WNT5B: variants seen among roughly 807,000 people sequenced by gnomAD.
WNT5B encodes protein Wnt-5b.
A neutral mutation model predicts 36.5 loss-of-function variants in WNT5B; 18 were observed. That is an observed-to-expected ratio of 0.49 (90% CI 0.34 to 0.73). The LOEUF is 0.73. WNT5B is among the 30% of genes least tolerant of loss of function. WNT5B has a pLI of 0.01. For missense variants in WNT5B, 424 were observed against 508.4 expected (o/e 0.83, Z 1.60); for synonymous variants, 213 against 212.3 (o/e 1.00, Z -0.03).
rs375169507 is a variant in WNT5B at position 1,646,290 on chromosome 12, T to C, written c.*38T>C. 1.6e-4 allele frequency: 250 copies of C among 1,522,856 alleles called. 1 individual carries two copies. The African/African-American group carries it at 3.1e-3, about 19-fold the overall frequency. The allele number at this position is 1,522,856 out of a possible 1,614,324, so 94.3% of individuals were successfully genotyped here. A position where few individuals can be genotyped will look rare whatever the true frequency, so the allele number is the denominator to read the frequency against. ...GCTCCCGGCCCCCCTGCACTCTGCC[T>C]CACAAAGGTCTATATTATATAAATC... is the stretch of plus-strand genomic sequence containing the variant. On this transcript the variant is annotated 3_prime_UTR_variant, in exon 5 of 5. Transcript: ENST00000397196.
At chr12:1,627,238 T>C (rs1197574674), upstream of WNT5B, among the ~76,000 whole-genome samples, 6 of 152,028 alleles carry the variant, frequency 3.9e-5, no homozygotes, top group African/African-American at 7.3e-5. The surrounding 1 kb of genome is among the most constrained non-coding windows in gnomAD (Gnocchi z 5.0). Context: ...CTTGAAGAGG[T>C]CCCCACCTAG....
intron 1 of WNT5B, among the ~76,000 whole-genome samples, chr12:1,621,951 G>A (rs996938771): frequency 2.6e-5 from 4 of 152,164 alleles, no homozygotes; most frequent in South Asian, 2.1e-4. Context: ...CCTCTTCTTC[G>A]AAAAGCACCT....
intron 3 of WNT5B, among the ~76,000 whole-genome samples, chr12:1,636,860 C>T (rs1390306409): frequency 6.6e-6 from 1 of 151,844 alleles, no homozygotes; most frequent in African/African-American, 2.4e-5. Context: ...GGATTACAGG[C>T]GCCCGCCTGG....
intron 1 of WNT5B, among the ~76,000 whole-genome samples, chr12:1,617,864 C>T (rs1046131068): frequency 6.6e-6 from 1 of 151,948 alleles, no homozygotes; most frequent in Non-Finnish European, 1.5e-5. Context: ...TTGGGCTGGG[C>T]GCAGTGGCTC....
At chr12:1,625,496 T>G (rs2094539789), upstream of WNT5B, among the ~76,000 whole-genome samples, 1 of 152,168 alleles carries the variant, frequency 6.6e-6, no homozygotes, top group Non-Finnish European at 1.5e-5. Flanking sequence ...CTCCTCCACC[T>G]GCCCCTCCCC....
Position 1,633,199 on chromosome 12 carries a change from G to A in WNT5B, c.328+294G>A, listed in dbSNP as rs2094554298. The stretch of plus-strand genomic sequence containing the variant: ...GGTTGCTTGGGACTCACTGAGAGGG[G>A]GCAGGACATCTGAGTTGACTTAGAG... On this transcript the variant is annotated intron_variant, in intron 3 of 4. Coordinates refer to ENST00000397196, the MANE Select transcript of WNT5B (RefSeq NM_032642.3). This position sits in a 1 kb window ranked among gnomAD's most constrained non-coding sequence, Gnocchi z 4.8. Among the ~76,000 whole-genome samples, 1 of 152,122 alleles carries A rather than the reference G, an allele frequency of 6.6e-6. No individual in the cohort carries two copies. The highest frequency in any genetic ancestry group is 1.5e-5 in the Non-Finnish European group (1 of 68,020).
At chr12:1,619,933 A>G (rs2094531623) in intron 1 of WNT5B, among the ~76,000 whole-genome samples, 1 of 152,248 alleles carries the variant, frequency 6.6e-6, no homozygotes, top group African/African-American at 2.4e-5. Flanking sequence ...AAGTCAAAAA[A>G]TAAAAATAAA....
chr12:1,641,761 A>T (rs2154439822), intron 4 of WNT5B, among the ~76,000 whole-genome samples: 1 of 152,284 alleles, frequency 6.6e-6, no homozygotes, highest in South Asian at 2.1e-4. Context: ...CTGCCATTGC[A>T]CTCCAGCCTG....
At chr12:1,617,839 G>A (rs1739190104) in intron 1 of WNT5B, among the ~76,000 whole-genome samples, 1 of 152,050 alleles carries the variant, frequency 6.6e-6, no homozygotes, top group African/African-American at 2.4e-5. Flanking sequence ...TAAACATTGT[G>A]TTAGTCAAAG....
upstream of WNT5B, among the ~76,000 whole-genome samples, chr12:1,627,960 C>T (rs2094543481): frequency 6.6e-6 from 1 of 152,132 alleles, no homozygotes; most frequent in Admixed American, 6.5e-5. This position sits in a 1 kb window ranked among gnomAD's most constrained non-coding sequence, Gnocchi z 5.0. Flanking sequence ...GTAACTGGCA[C>T]ATATTAGGCA....
At chr12:1,622,211 C>A (rs992247051) in intron 1 of WNT5B, among the ~76,000 whole-genome samples, 6 of 151,174 alleles carry the variant, frequency 4.0e-5, no homozygotes, top group African/African-American at 1.5e-4. Context: ...CCCGGGTTCA[C>A]GCCATTCTCC....
upstream of WNT5B, among the ~76,000 whole-genome samples, chr12:1,624,492 C>T (rs2094538497): frequency 1.3e-5 from 2 of 151,838 alleles, no homozygotes; most frequent in Admixed American, 6.6e-5. Context: ...CCAGGGTCAA[C>T]CATTCAATTG....
Position 1,632,346 on chromosome 12 carries a change from A to ATTCTGGCCAT in WNT5B, c.81-308_81-299dup, listed in dbSNP as rs2154439580. Among the ~76,000 whole-genome samples the ATTCTGGCCAT allele has an allele frequency of 6.6e-6, 1 of 152,182 alleles. No homozygotes were observed. The highest frequency in any genetic ancestry group is 2.1e-4 in the South Asian group (1 of 4,824). ...CCCCCATTCTTAAGATCCAGTTCAA[A>ATTCTGGCCAT]TTCTGGCCATTTCCTTATAAAGGCT... On this transcript the variant is annotated intron_variant, in intron 2 of 4. Coordinates refer to ENST00000397196, the MANE Select transcript of WNT5B (RefSeq NM_032642.3). The surrounding 1 kb of genome is among the most constrained non-coding windows in gnomAD (Gnocchi z 5.8).
chr12:1,643,554 C>T (rs1406763076), intron 4 of WNT5B, among the ~76,000 whole-genome samples: 1 of 151,840 alleles, frequency 6.6e-6, no homozygotes, highest in African/African-American at 2.4e-5. Flanking sequence ...TTAGTAGAGA[C>T]GGGGTTTCTC....
intron 1 of WNT5B, among the ~76,000 whole-genome samples, chr12:1,619,021 A>C (rs2094530343): frequency 6.6e-6 from 1 of 152,102 alleles, no homozygotes. Context: ...TATCACTGGG[A>C]ATGGCACACA....
rs1275371432 is a variant in WNT5B, at chr12:1,644,306, G to C, written c.622-1488G>C. ...GTGCTGGTGCCTTTAACCTTGGGGAGAGCCTTCCTTCCTCCTCTGCTCTAA... is the reference window on the plus strand; with the variant it reads ...GTGCTGGTGCCTTTAACCTTGGGGACAGCCTTCCTTCCTCCTCTGCTCTAA... On this transcript the variant is annotated intron_variant, in intron 4 of 4. Coordinates refer to ENST00000397196, the MANE Select transcript of WNT5B (RefSeq NM_032642.3). This position sits in a 1 kb window ranked among gnomAD's most constrained non-coding sequence, Gnocchi z 5.1. Among the ~76,000 whole-genome samples the C allele has an allele frequency of 6.6e-6, 1 of 152,126 alleles. No homozygotes were observed. Among genetic ancestry groups the C allele is most frequent in the Admixed American group, 6.5e-5 (1 of 15,276 alleles).
At chr12:1,638,220 T>C (rs1426883465) in intron 3 of WNT5B, among the ~76,000 whole-genome samples, 1 of 152,190 alleles carries the variant, frequency 6.6e-6, no homozygotes, top group African/African-American at 2.4e-5. Context: ...CACTCCAGCC[T>C]GGGTGACAGA....
upstream of WNT5B, among the ~76,000 whole-genome samples, chr12:1,626,118 T>C (rs1334467063): frequency 6.6e-6 from 1 of 151,156 alleles, no homozygotes; most frequent in African/African-American, 2.4e-5. Flanking sequence ...ACCACCATGC[T>C]CGGCTAACTT....
chr12:1,630,199 C>CCGGGGCGCG lies in WNT5B; in HGVS notation c.-58+835_-58+843dup, dbSNP rs2094547703. 6.1e-6 allele frequency: 6 copies of CCGGGGCGCG among 985,206 alleles called. No homozygotes were observed. In the South Asian group the frequency reaches 2.8e-4, roughly 46 times the overall value. 61.0% of individuals were successfully genotyped at this position (985,206 alleles called of 1,614,324 possible). A position where few individuals can be genotyped will look rare whatever the true frequency, so the allele number is the denominator to read the frequency against. The stretch of plus-strand genomic sequence containing the variant: ...CGACGCGCGAGAGTGGCGCAGTGAG[C>CCGGGGCGCG]CGGGGCGCGCGGGGCTGCGCTCGTC... On this transcript the variant is annotated intron_variant, in intron 1 of 4. Transcript: ENST00000397196. This position sits in a 1 kb window ranked among gnomAD's most constrained non-coding sequence, Gnocchi z 5.3.
Sources: gnomAD v4.1 joint callset for allele counts (sites outside exome capture counted in the v4.1 genomes callset) on GRCh38, gnomAD v4.1.1 for gene constraint, Gnocchi (gnomAD v3.1) non-coding constraint, MANE v1.5 for transcripts, NCBI Gene and HGNC (gene_info 2026-07-23, HGNC 2026-07-21) for gene names.